The following ADAMTSL1 variants were observed in gnomAD, a reference collection of about 807,000 sequenced individuals.
ADAMTSL1 encodes ADAMTS like 1, also known as ADAMTS-like protein 1.
A neutral mutation model predicts 201.8 loss-of-function variants in ADAMTSL1; 126 were observed. The ratio of observed to expected loss-of-function variants is 0.62; its 90% CI spans 0.54 to 0.72. The LOEUF (loss-of-function observed/expected upper bound fraction) is 0.72. ADAMTSL1 is among the 30% of genes least tolerant of loss of function. ADAMTSL1 has a pLI of 0.00. For missense variants in ADAMTSL1, 2,679 were observed against 2,277.8 expected, an observed-to-expected ratio of 1.18 and a Z score of -3.59; for synonymous variants, 1,121 against 903.4, an observed-to-expected ratio of 1.24 and a Z score of -4.32.
intron 2 of ADAMTSL1, among the ~76,000 whole-genome samples, chr9:18,277,699 C>T (rs559022522): frequency 5.3e-5 from 8 of 152,276 alleles, no homozygotes; most frequent in South Asian, 2.1e-4. Context: ...AGGCAAAATA[C>T]AGTTAGAACT....
intron 2 of ADAMTSL1, among the ~76,000 whole-genome samples, chr9:18,359,813 C>A (rs1836423993): frequency 9.8e-6 from 1 of 101,820 alleles, no homozygotes; most frequent in African/African-American, 4.4e-5. Flanking sequence ...GGTTAATGCC[C>A]CACCTCCCCA....
chr9:18,360,218 C>G (rs910409537), intron 2 of ADAMTSL1, among the ~76,000 whole-genome samples: 1 of 152,082 alleles, frequency 6.6e-6, no homozygotes, highest in African/African-American at 2.4e-5. Flanking sequence ...ATCTCAATCA[C>G]TTTAACTCCA....
intron 15 of ADAMTSL1, among the ~76,000 whole-genome samples, chr9:18,733,602 A>G (rs1818336596): frequency 6.6e-6 from 1 of 151,272 alleles, no homozygotes; most frequent in South Asian, 2.1e-4. Flanking sequence ...ATGCTTGTTC[A>G]TGTTGTAAAT....
intron 1 of ADAMTSL1, among the ~76,000 whole-genome samples, chr9:18,158,183 C>T (rs1470120331): frequency 6.6e-6 from 1 of 151,856 alleles, no homozygotes; most frequent in African/African-American, 2.4e-5. Flanking sequence ...TGTTGATACT[C>T]ATGTTTGATA....
intron 2 of ADAMTSL1, among the ~76,000 whole-genome samples, chr9:18,196,707 C>T (rs1361181226): frequency 1.3e-5 from 2 of 152,004 alleles, no homozygotes; most frequent in Admixed American, 6.6e-5. Flanking sequence ...AATCTGATTC[C>T]GTGAATCTCT....
Position 18,635,856 on chromosome 9 carries a change from A to G in ADAMTSL1, c.602-87A>G, listed in dbSNP as rs902781508. The G allele has an allele frequency of 8.7e-5, 96 of 1,099,688 alleles. 1 individual carries two copies. In the East Asian group the frequency reaches 9.1e-4, roughly 10 times the overall value. The allele number at this position is 1,099,688 out of a possible 1,614,324, so 68.1% of individuals were successfully genotyped here. ...TTAAAAAAACTGTAGTTTTTAAGGT[A>G]TGGAAGTCAGTGCCTTTATTTAGAA... is the stretch of plus-strand genomic sequence containing the variant. On this transcript the variant is annotated intron_variant, in intron 5 of 28. Coordinates refer to ENST00000380548, the MANE Select transcript of ADAMTSL1 (RefSeq NM_001040272.6).
intron 4 of ADAMTSL1, among the ~76,000 whole-genome samples, chr9:18,617,530 T>C (rs1307713704): frequency 2.6e-5 from 4 of 151,718 alleles, no homozygotes; most frequent in Non-Finnish European, 5.9e-5. Flanking sequence ...CGGGGGGCAG[T>C]TCTCTCCCTC....
chr9:17,959,694 G>C (rs879415657), intron 1 of ADAMTSL1, among the ~76,000 whole-genome samples: 1 of 152,136 alleles, frequency 6.6e-6, no homozygotes, highest in African/African-American at 2.4e-5. Context: ...GACCTCAAGT[G>C]ATCCACCCAC....
At chr9:18,680,239 G>A (rs1240524759) in intron 10 of ADAMTSL1, 73 bp from the exon 11 acceptor site, 6 of 1,452,182 alleles carry the variant, frequency 4.1e-6, no homozygotes, top group Non-Finnish European at 4.7e-6. Context: ...ATGGGGAGTG[G>A]GTTGGTGGAC....
Position 18,711,574 on chromosome 9 carries a change from C to T in ADAMTSL1, c.1876+4526C>T, listed in dbSNP as rs1489859710. 2.0e-5 allele frequency among the ~76,000 whole-genome samples: 3 copies of T among 152,258 alleles called. No individual in the cohort carries two copies. The East Asian group carries it at 5.8e-4, about 29-fold the overall frequency. On this transcript the variant is annotated intron_variant, in intron 14 of 28. Transcript: ENST00000380548. Reference sequence around the variant, plus strand: ...AACGGTGCAACAGGAGATTATATCCCGCACCTGGCTCGGAGGGTCCTACGC... The same window carrying T: ...AACGGTGCAACAGGAGATTATATCCTGCACCTGGCTCGGAGGGTCCTACGC...
intron 2 of ADAMTSL1, among the ~76,000 whole-genome samples, chr9:18,241,271 T>C (rs983621819): frequency 4.6e-5 from 7 of 152,198 alleles, no homozygotes; most frequent in African/African-American, 1.7e-4. Context: ...TTAGAAGCCA[T>C]TATAGGGTCA....
intron 2 of ADAMTSL1, among the ~76,000 whole-genome samples, chr9:18,430,057 T>C (rs991227283): frequency 2.0e-4 from 31 of 152,260 alleles, no homozygotes; most frequent in African/African-American, 6.0e-4. Flanking sequence ...CCCAAAGTGC[T>C]GGGATTGCAG....
At chr9:18,627,237 C>T (rs1826448332) in intron 5 of ADAMTSL1, among the ~76,000 whole-genome samples, 1 of 152,192 alleles carries the variant, frequency 6.6e-6, no homozygotes, top group African/African-American at 2.4e-5. Context: ...CCACCTCAAC[C>T]TCCCAAAGTG....
chr9:18,057,282 A>G (rs1346330813), intron 1 of ADAMTSL1, among the ~76,000 whole-genome samples: 3 of 152,220 alleles, frequency 2.0e-5, no homozygotes, highest in African/African-American at 7.2e-5. Context: ...TTCCTTTCAT[A>G]ATGAAAAATC....
chr9:18,451,817 A>G (rs146286826), intron 2 of ADAMTSL1, among the ~76,000 whole-genome samples: 3 of 152,348 alleles, frequency 2.0e-5, no homozygotes, highest in East Asian at 1.9e-4. Context: ...GAAGTCCAAG[A>G]CTGAAGGGCC....
intron 28 of ADAMTSL1, 42 bp from the exon 29 acceptor site, chr9:18,908,400 C>T (rs746136443): frequency 1.3e-6 from 2 of 1,500,052 alleles, no homozygotes; most frequent in African/African-American, 2.8e-5. Flanking sequence ...TGTTTCACAT[C>T]TCTTTTCTGT....
chr9:18,725,938 A>G (rs1025452011), intron 15 of ADAMTSL1, among the ~76,000 whole-genome samples: 3 of 152,304 alleles, frequency 2.0e-5, no homozygotes, highest in Admixed American at 1.3e-4. Context: ...AATCTTTTAC[A>G]TCCCTGAGAC....
At chr9:18,104,108 T>A (rs137968890) in intron 1 of ADAMTSL1, among the ~76,000 whole-genome samples, 1 of 152,216 alleles carries the variant, frequency 6.6e-6, no homozygotes, top group African/African-American at 2.4e-5. Context: ...GGGAACTACT[T>A]GTTCAATCTC....
At chr9:18,821,982 C>A (rs1330976223) in intron 21 of ADAMTSL1, among the ~76,000 whole-genome samples, 1 of 152,266 alleles carries the variant, frequency 6.6e-6, no homozygotes, top group East Asian at 1.9e-4. Flanking sequence ...AAGTTACCAC[C>A]CAGTATGACT....
Sources: gnomAD v4.1 joint callset for allele counts (sites outside exome capture counted in the v4.1 genomes callset) on GRCh38, gnomAD v4.1.1 for gene constraint, MANE v1.5 for transcripts, NCBI Gene and HGNC (gene_info 2026-07-23, HGNC 2026-07-21) for gene names.